Variants in TMEM44 observed in about 807,000 individuals in gnomAD.
TMEM44 encodes the protein transmembrane protein 44.
TMEM44 carries 43 observed loss-of-function variants against 47.8 expected under a neutral mutation model. The observed-to-expected ratio is 0.90, with a 90% CI of 0.70 to 1.16. TMEM44 has a LOEUF of 1.16. Among genes scored for constraint, TMEM44 ranks in the 50% most tolerant of loss-of-function variants. The pLI is 0.00. For missense variants in TMEM44, 568 were observed against 555.2 expected (o/e 1.02, Z -0.23); for synonymous variants, 277 against 238.8 (o/e 1.16, Z -1.48).
chr3:194,617,191 C>T lies in TMEM44; in HGVS notation c.691G>A (p.Ala231Thr), dbSNP rs201135563. Residue 231 changes from alanine (A) to threonine (T), a missense_variant, in exon 6 of 10, where the codon GCC becomes ACC. Coordinates refer to ENST00000347147, the MANE Select transcript of TMEM44 (RefSeq NM_001011655.3). The stretch of plus-strand genomic sequence containing the variant: ...GGGTGCTGGTCGTGGGCCACAATGG[C>T]CGAGGCATAGAGGAGGCCAGCCAGG... Reference protein sequence around the residue: ...SALAGLLYASAIVAHDQHPEY... With the variant: ...SALAGLLYASTIVAHDQHPEY... 19 of 1,553,884 alleles carry T rather than the reference C, an allele frequency of 1.2e-5. No individual in the cohort carries two copies. The highest frequency in any genetic ancestry group is 1.7e-5 in the Non-Finnish European group (19 of 1,148,852).
Position 194,615,646 on chromosome 3 carries a change from A to C in TMEM44, c.835T>G (p.Phe279Val). The change falls in exon 7 of 10, where the codon TTT becomes GTT. Residue 279 changes from phenylalanine (F) to valine (V), a missense_variant. By Grantham distance (50) the Phe-to-Val change is conservative (BLOSUM62 -1). Transcript: ENST00000347147. ...MKSKMRQALG[F>V]AKEARESPDT... is the part of the protein sequence containing the mutation. ...GGGCTCTCTCTGGCTTCCTTGGCAA[A>C]TCCTAAGGCCTGTCTCATCTTGCTC... 6.2e-7 allele frequency: 1 copy of C among 1,614,092 alleles called. No homozygotes were observed. Among genetic ancestry groups the C allele is most frequent in the Non-Finnish European group, 8.5e-7 (1 of 1,179,996 alleles).
At chr3:194,606,179 AT>A (rs972410016) in intron 8 of TMEM44, among the ~76,000 whole-genome samples, 1 of 152,176 alleles carries the variant, frequency 6.6e-6, no homozygotes, top group African/African-American at 2.4e-5. Context: ...AGGATGCAGG[AT>A]TTGATCCATA....
Position 194,621,646 on chromosome 3 carries a change from G to A in TMEM44, c.612+1578C>T, listed in dbSNP as rs145163242. 7.2e-4 allele frequency among the ~76,000 whole-genome samples: 109 copies of A among 152,076 alleles called. 1 individual carries two copies. The East Asian group carries it at 0.019, about 26-fold the overall frequency. ...AGCTTCACTGACTTCACCAACAACC[G>A]CGAACAACCCTCCAGCCCTGAATCC... On this transcript the variant is annotated intron_variant, in intron 5 of 9. Transcript: ENST00000347147.
chr3:194,615,648 C>A lies in TMEM44; in HGVS notation c.833G>T (p.Gly278Val). The change falls in exon 7 of 10, where the codon GGA becomes GTA. Residue 278 changes from glycine to valine, a missense_variant. Physicochemically the swap from Gly to Val is moderately radical, Grantham distance 109 (BLOSUM62 -3). Transcript: ENST00000347147. ...VMKSKMRQAL[G>V]FAKEARESPD... ...GCTCTCTCTGGCTTCCTTGGCAAAT[C>A]CTAAGGCCTGTCTCATCTTGCTCTT... The A allele has an allele frequency of 1.9e-6, 3 of 1,614,128 alleles. No homozygotes were observed. The highest frequency in any genetic ancestry group is 2.5e-6 in the Non-Finnish European group (3 of 1,180,014).
In TMEM44 at chr3:194,616,330, T is replaced by G. The variant is rs187062620; in HGVS notation, c.784-633A>C. Among the ~76,000 whole-genome samples, 403 of 152,210 alleles carry G rather than the reference T, an allele frequency of 2.6e-3. 1 individual carries two copies. Among genetic ancestry groups the G allele is most frequent in the African/African-American group, 9.0e-3 (375 of 41,540 alleles). On this transcript the variant is annotated intron_variant, in intron 6 of 9. Coordinates refer to ENST00000347147, the MANE Select transcript of TMEM44 (RefSeq NM_001011655.3). Reference sequence around the variant, plus strand: ...GCCTCCCAAAGTGCTGGGATTACAGTCGTGAGCCACCGTGCCCGGCCCAGA... The same window carrying G: ...GCCTCCCAAAGTGCTGGGATTACAGGCGTGAGCCACCGTGCCCGGCCCAGA...
At position 194,588,611 on chromosome 3, in the gene TMEM44, C is replaced by T. The variant is rs754957376; in HGVS notation, c.1205G>A (p.Gly402Asp). 1 of 1,614,148 alleles carries T rather than the reference C, an allele frequency of 6.2e-7. No homozygotes were observed. The highest frequency in any genetic ancestry group is 8.5e-7 in the Non-Finnish European group (1 of 1,180,036). Residue 402 changes from glycine (G) to aspartate (D), a missense_variant, in exon 10 of 10, where the codon GGC becomes GAC. By Grantham distance (94) the Gly-to-Asp change is moderately conservative (BLOSUM62 -1). Coordinates refer to ENST00000347147, the MANE Select transcript of TMEM44 (RefSeq NM_001011655.3). ...EWDPEDVNLE[G>D]SKENVELLGS... Reference sequence around the variant, plus strand: ...CAGTAGCTCCACATTTTCTTTGCTGCCTTCGAGGTTCACATCTTCAGGGTC... The same window carrying T: ...CAGTAGCTCCACATTTTCTTTGCTGTCTTCGAGGTTCACATCTTCAGGGTC...
intron 5 of TMEM44, among the ~76,000 whole-genome samples, chr3:194,619,154 T>A (rs1716261788): frequency 6.6e-6 from 1 of 152,242 alleles, no homozygotes; most frequent in South Asian, 2.1e-4. Flanking sequence ...CTGCTCAGGA[T>A]GAACTGCACG....
Position 194,588,240 on chromosome 3 carries a change from A to G in TMEM44, c.*289T>C. 1 of 364,772 alleles carries G rather than the reference A, an allele frequency of 2.7e-6. No homozygotes were observed. The highest frequency in any genetic ancestry group is 5.0e-6 in the Non-Finnish European group (1 of 200,096). The allele number at this position is 364,772 out of a possible 1,614,324, so 22.6% of individuals were successfully genotyped here. The stretch of plus-strand genomic sequence containing the variant: ...TCTCAAGGGAATGAAGGGAAAAGGA[A>G]GAGCGGGTCTGAGATCCTTTGGATT... On this transcript the variant is annotated 3_prime_UTR_variant, in exon 10 of 10. Coordinates refer to ENST00000347147, the MANE Select transcript of TMEM44 (RefSeq NM_001011655.3).
intron 1 of TMEM44, 95 bp downstream of exon 1, chr3:194,632,984 C>T (rs1717974849): frequency 1.3e-6 from 2 of 1,482,000 alleles, no homozygotes; most frequent in African/African-American, 1.4e-5. Flanking sequence ...CTTCATCCCC[C>T]TTTCCGCCCC....
chr3:194,620,236 A>G (rs924506009), intron 5 of TMEM44, among the ~76,000 whole-genome samples: 2 of 146,544 alleles, frequency 1.4e-5, no homozygotes, highest in East Asian at 4.0e-4. Flanking sequence ...GTTTGCAGTG[A>G]GCCGAGATCG....
At position 194,633,139 on chromosome 3, in the gene TMEM44, A is replaced by T; in HGVS notation, c.77T>A (p.Val26Asp). The T allele has an allele frequency of 6.4e-7, 1 of 1,551,408 alleles. No homozygotes were observed. Among genetic ancestry groups the T allele is most frequent in the South Asian group, 1.2e-5 (1 of 84,132 alleles). The change falls in exon 1 of 10, where the codon GTC becomes GAC. Residue 26 changes from valine to aspartate, a missense_variant. By Grantham distance (152) the Val-to-Asp change is radical (BLOSUM62 -3). Coordinates refer to ENST00000347147, the MANE Select transcript of TMEM44 (RefSeq NM_001011655.3). Reference sequence around the variant, plus strand: ...GATCCACAGGCCGAAGGAGATGCAGACGCGGTGGCGGGCGAAGCAGCGGTC... The same window carrying T: ...GATCCACAGGCCGAAGGAGATGCAGTCGCGGTGGCGGGCGAAGCAGCGGTC... ...YLDRCFARHRVCISFGLWICA... is the reference protein window; with the variant it reads ...YLDRCFARHRDCISFGLWICA...
intron 9 of TMEM44, among the ~76,000 whole-genome samples, chr3:194,593,791 C>A (rs1237864293): frequency 6.6e-6 from 1 of 152,126 alleles, no homozygotes; most frequent in Non-Finnish European, 1.5e-5. Flanking sequence ...AACTCCTTAA[C>A]ATTTTTCATT....
At chr3:194,610,797 A>G in intron 8 of TMEM44, 119 bp downstream of exon 8, 1 of 860,764 alleles carries the variant, frequency 1.2e-6, no homozygotes, top group South Asian at 1.6e-5. Context: ...CTTCTTTTTT[A>G]CCTGCTTCTC....
Position 194,617,261 on chromosome 3 carries a change from C to T in TMEM44, c.621G>A (p.Gly207=), listed in dbSNP as rs775088484. 7.2e-6 allele frequency: 11 copies of T among 1,534,016 alleles called. No homozygotes were observed. In the African/African-American group the frequency reaches 1.2e-4, roughly 17 times the overall value. ...ACAGGTGGATGGAGGGAAATGTCTT[C>T]CCCCGGCACTGGGCAGAGAGAGGGA... ...RIPPLSRICR[G]KTFPSIHLWT... The change falls in exon 6 of 10, where the codon GGG becomes GGA. Residue 207 remains glycine (G), a synonymous_variant. Coordinates refer to ENST00000347147, the MANE Select transcript of TMEM44 (RefSeq NM_001011655.3).
At chr3:194,620,332 C>A (rs1310725195) in intron 5 of TMEM44, among the ~76,000 whole-genome samples, 2 of 151,958 alleles carry the variant, frequency 1.3e-5, no homozygotes, top group Non-Finnish European at 2.9e-5. Context: ...GGGCCCACCC[C>A]CAACCTCTTC....
Position 194,588,463 on chromosome 3 carries a change from C to G in TMEM44, c.*66G>C. ...GCCGCGGTGTCAGTGCAGATTGATT[C>G]CCGCTGCGTTACTGAACGAACTCCT... On this transcript the variant is annotated 3_prime_UTR_variant, in exon 10 of 10. Coordinates refer to ENST00000347147, the MANE Select transcript of TMEM44 (RefSeq NM_001011655.3). 7.0e-7 allele frequency: 1 copy of G among 1,429,776 alleles called. No homozygotes were observed. Among genetic ancestry groups the G allele is most frequent in the Non-Finnish European group, 9.8e-7 (1 of 1,020,150 alleles). 88.6% of individuals were successfully genotyped at this position (1,429,776 alleles called of 1,614,324 possible). A position where few individuals can be genotyped will look rare whatever the true frequency, so the allele number is the denominator to read the frequency against.
At chr3:194,595,627 T>TCTCTA (rs10632617) in intron 9 of TMEM44, among the ~76,000 whole-genome samples, 3 of 145,026 alleles carry the variant, frequency 2.1e-5, no homozygotes, top group Non-Finnish European at 1.5e-5. Flanking sequence ...TCATTCTCTA[T>TCTCTA]TTTTTTTTTT....
intron 5 of TMEM44, 138 bp from the exon 6 acceptor site, chr3:194,617,407 A>T: frequency 9.6e-7 from 1 of 1,046,166 alleles, no homozygotes; most frequent in Non-Finnish European, 1.4e-6. Flanking sequence ...TTAGACTTAC[A>T]GCTTTTGCTC....
intron 3 of TMEM44, 130 bp downstream of exon 3, chr3:194,625,767 A>T (rs1048586583): frequency 5.1e-6 from 4 of 784,998 alleles, no homozygotes; most frequent in Non-Finnish European, 8.7e-6. Flanking sequence ...GGCGTGAGCC[A>T]CCGCGCCCAG....
Sources: allele counts gnomAD v4.1 joint callset (sites outside exome capture counted in the v4.1 genomes callset), GRCh38; gene constraint gnomAD v4.1.1; transcripts MANE v1.5; gene names NCBI Gene and HGNC (gene_info 2026-07-23, HGNC 2026-07-21).